Variants in NEK7 observed in about 807,000 individuals in gnomAD.
NEK7 encodes the protein serine/threonine-protein kinase Nek7.
In NEK7, 18 loss-of-function variants were observed where a neutral mutation model predicts 44.6. That is an observed-to-expected ratio of 0.40 (90% CI 0.28 to 0.60). NEK7 has a LOEUF of 0.60. NEK7 is among the 20% of genes least tolerant of loss of function. The pLI, the probability that NEK7 is intolerant of heterozygous loss-of-function variation, is 0.38. For synonymous variants in NEK7, 130 were observed against 121.1 expected, an observed-to-expected ratio of 1.07 and a Z score of -0.48; for missense variants, 256 against 366.5, an observed-to-expected ratio of 0.70 and a Z score of 2.46.
At chr1:198,168,570 C>T (rs1259462965) in intron 1 of NEK7, among the ~76,000 whole-genome samples, 1 of 152,208 alleles carries the variant, frequency 6.6e-6, no homozygotes, top group Non-Finnish European at 1.5e-5. Context: ...GGTGAGCCTT[C>T]TCTGAACTTG....
rs1231979516 is a variant in NEK7, at chr1:198,231,299, GTGTATATATATATATA to G, written c.-28-1252_-28-1237del. Among the ~76,000 whole-genome samples the G allele has an allele frequency of 1.9e-4, 19 of 98,264 alleles. No individual in the cohort carries two copies. In the East Asian group the frequency reaches 4.6e-3, roughly 24 times the overall value. 64.5% of individuals were successfully genotyped at this position (98,264 alleles called of 152,430 possible). ...TGTGTGTATATACGTGTATGTGTGTGTGTATATATATATATATATATATATATATATATATATAAAA... is the reference window on the plus strand; with the variant it reads ...TGTGTGTATATACGTGTATGTGTGTGTATATATATATATATATATATAAAA... On this transcript the variant is annotated intron_variant, in intron 1 of 9. Coordinates refer to ENST00000367385, the MANE Select transcript of NEK7 (RefSeq NM_133494.3).
intron 7 of NEK7, among the ~76,000 whole-genome samples, chr1:198,286,378 A>G (rs1654367953): frequency 6.6e-6 from 1 of 152,012 alleles, no homozygotes; most frequent in Non-Finnish European, 1.5e-5. Flanking sequence ...CTGACAAAAA[A>G]GAACACCATC....
At chr1:198,287,263 C>T (rs777139684) in intron 7 of NEK7, among the ~76,000 whole-genome samples, 13 of 152,070 alleles carry the variant, frequency 8.5e-5, no homozygotes, top group South Asian at 4.2e-4. Context: ...GGGTGGATCA[C>T]GAGGTCAGGA....
intron 1 of NEK7, among the ~76,000 whole-genome samples, chr1:198,183,776 C>T (rs1260528791): frequency 6.6e-6 from 1 of 152,092 alleles, no homozygotes; most frequent in Non-Finnish European, 1.5e-5. Flanking sequence ...TGCTATGTGC[C>T]TATGGTGTTC....
chr1:198,318,123 T>A (rs1160756286), intron 9 of NEK7, among the ~76,000 whole-genome samples: 1 of 152,158 alleles, frequency 6.6e-6, no homozygotes, highest in African/African-American at 2.4e-5. Flanking sequence ...TCATTAAATT[T>A]CATTCTGCTA....
intron 1 of NEK7, among the ~76,000 whole-genome samples, chr1:198,191,139 CT>C (rs1311711831): frequency 6.6e-6 from 1 of 151,950 alleles, no homozygotes; most frequent in African/African-American, 2.4e-5. Context: ...GTGAAATGCT[CT>C]TTTCACTATG....
intron 7 of NEK7, among the ~76,000 whole-genome samples, chr1:198,283,285 G>A (rs890887175): frequency 4.6e-5 from 7 of 152,122 alleles, no homozygotes; most frequent in African/African-American, 1.7e-4. Context: ...TTTGGGCTAA[G>A]CATGCCCAGG....
chr1:198,265,534 G>A (rs536791985), intron 5 of NEK7, among the ~76,000 whole-genome samples: 1 of 152,216 alleles, frequency 6.6e-6, no homozygotes, highest in South Asian at 2.1e-4. Context: ...TAGACCGGCT[G>A]ACTAGAAACA....
chr1:198,278,143 T>TACAATTCATTTATG (rs1248025147), intron 6 of NEK7, 74 bp downstream of exon 6: 1 of 800,238 alleles, frequency 1.2e-6, no homozygotes, highest in African/African-American at 1.7e-5. Flanking sequence ...TGTCTTCAAG[T>TACAATTCATTTATG]CAGTACATAA....
intron 1 of NEK7, among the ~76,000 whole-genome samples, chr1:198,205,461 G>C (rs139693228): frequency 6.6e-6 from 1 of 152,098 alleles, no homozygotes; most frequent in Non-Finnish European, 1.5e-5. Flanking sequence ...AGTGGCCCAA[G>C]CAGTTATATT....
intron 1 of NEK7, among the ~76,000 whole-genome samples, chr1:198,159,357 A>G (rs1471468434): frequency 2.6e-5 from 4 of 152,208 alleles, no homozygotes; most frequent in Non-Finnish European, 5.9e-5. Context: ...GAGCCATCCT[A>G]GGTGTCCCGT....
chr1:198,319,432 G>T lies in NEK7; in HGVS notation c.819G>T (p.Met273Ile). ...CACAGCTCCGACAGTTAGTTAATAT[G>T]TGCATCAACCCAGATCCAGAGAAGC... ...YSEELRQLVN[M>I]CINPDPEKRP... Residue 273 changes from methionine to isoleucine, a missense_variant, in exon 10 of 10, where the codon ATG becomes ATT. Met to Ile is a conservative substitution (Grantham distance 10). Coordinates refer to ENST00000367385, the MANE Select transcript of NEK7 (RefSeq NM_133494.3). The T allele has an allele frequency of 6.2e-7, 1 of 1,611,268 alleles. No homozygotes were observed.
chr1:198,313,350 G>T (rs1332982537), intron 9 of NEK7, among the ~76,000 whole-genome samples: 2 of 150,628 alleles, frequency 1.3e-5, no homozygotes, highest in African/African-American at 4.9e-5. Flanking sequence ...TGTGAGATGG[G>T]TTTCCTGAAT....
chr1:198,231,336 T>A (rs995940622), intron 1 of NEK7, among the ~76,000 whole-genome samples: 6 of 132,854 alleles, frequency 4.5e-5, no homozygotes, highest in Middle Eastern at 3.5e-3. Context: ...TATATATATA[T>A]AAAAACACAT....
intron 7 of NEK7, among the ~76,000 whole-genome samples, chr1:198,288,210 A>G (rs548251968): frequency 4.1e-4 from 62 of 152,344 alleles, no homozygotes; most frequent in African/African-American, 1.4e-3. Flanking sequence ...AGTCAGTACT[A>G]TAGGCTGCTT....
chr1:198,205,973 A>T (rs1224394497), intron 1 of NEK7, among the ~76,000 whole-genome samples: 1 of 152,076 alleles, frequency 6.6e-6, no homozygotes, highest in African/African-American at 2.4e-5. Context: ...AAGAAAGCAA[A>T]ATTTTAAGGA....
intron 1 of NEK7, among the ~76,000 whole-genome samples, chr1:198,219,223 A>G (rs1241793811): frequency 6.6e-6 from 1 of 150,892 alleles, no homozygotes; most frequent in Non-Finnish European, 1.5e-5. Context: ...TATGTTTTAT[A>G]TATATCTATT....
chr1:198,311,976 T>C (rs900955035), intron 9 of NEK7, among the ~76,000 whole-genome samples: 1 of 152,226 alleles, frequency 6.6e-6, no homozygotes, highest in African/African-American at 2.4e-5. Context: ...GAGGATTCTC[T>C]CTTTTTCTAT....
chr1:198,249,523 C>T (rs1449239431), intron 2 of NEK7, among the ~76,000 whole-genome samples: 5 of 152,072 alleles, frequency 3.3e-5, no homozygotes, highest in African/African-American at 9.7e-5. Flanking sequence ...TAAAAGTGTT[C>T]CTATTTCTCC....
Sources: allele counts gnomAD v4.1 joint callset (sites outside exome capture counted in the v4.1 genomes callset), GRCh38; gene constraint gnomAD v4.1.1; transcripts MANE v1.5; gene names NCBI Gene and HGNC (gene_info 2026-07-23, HGNC 2026-07-21).